The following NUMBL variants were observed in gnomAD, a reference collection of about 807,000 sequenced individuals.
The protein encoded by NUMBL is NUMB like endocytic adaptor protein, also known as numb-like protein.
A neutral mutation model predicts 48.9 loss-of-function variants in NUMBL; 20 were observed. The ratio of observed to expected loss-of-function variants is 0.41; its 90% CI spans 0.29 to 0.59. The LOEUF is 0.59. NUMBL is among the 20% of genes least tolerant of loss of function. NUMBL has a pLI of 0.31. For missense variants in NUMBL, 660 were observed against 846.2 expected, an observed-to-expected ratio of 0.78 and a Z score of 2.73; for synonymous variants, 340 against 348.7, an observed-to-expected ratio of 0.98 and a Z score of 0.28.
Position 40,667,972 on chromosome 19 carries a change from C to CTGTTGG in NUMBL, c.1325_1326insCCAACA (p.Gln441_Gln442insHisGln), listed in dbSNP as rs2081823054. On this transcript the variant is annotated inframe_insertion, in exon 10 of 10. Coordinates refer to ENST00000252891, the MANE Select transcript of NUMBL (RefSeq NM_004756.5). This position sits in a 1 kb window ranked among gnomAD's most constrained non-coding sequence, Gnocchi z 6.1. The stretch of plus-strand genomic sequence containing the variant: ...CCACTGAGGCTGCTTGCTGCTGTTG[C>CTGTTGG]TGCTGCTGCTGCTGCTGCTGTTGCT... 17 of 1,460,590 alleles carry CTGTTGG rather than the reference C, an allele frequency of 1.2e-5. No individual in the cohort carries two copies. The highest frequency in any genetic ancestry group is 2.7e-5 in the African/African-American group (1 of 37,546). 90.5% of individuals were successfully genotyped at this position (1,460,590 alleles called of 1,614,324 possible).
At chr19:40,683,099 G>T in intron 3 of NUMBL, 131 bp from the exon 4 acceptor site, 1 of 806,408 alleles carries the variant, frequency 1.2e-6, no homozygotes. Context: ...CATTTATTCT[G>T]CATCTCAACT....
At position 40,688,127 on chromosome 19, in the gene NUMBL, G is replaced by A. The variant is rs1330176755; in HGVS notation, c.25-1132C>T. On this transcript the variant is annotated intron_variant, in intron 1 of 9. Transcript: ENST00000252891. This position sits in a 1 kb window ranked among gnomAD's most constrained non-coding sequence, Gnocchi z 4.6. Reference sequence around the variant, plus strand: ...AGACACAGCCATGGTGGTCCTATAGGCATGGCCACAGCATCAATGTCCATG... The same window carrying A: ...AGACACAGCCATGGTGGTCCTATAGACATGGCCACAGCATCAATGTCCATG... Among the ~76,000 whole-genome samples the A allele has an allele frequency of 6.6e-6, 1 of 152,098 alleles. No individual in the cohort carries two copies. Among genetic ancestry groups the A allele is most frequent in the Non-Finnish European group, 1.5e-5 (1 of 68,026 alleles).
At chr19:40,679,159 G>T (rs899512564) in intron 6 of NUMBL, among the ~76,000 whole-genome samples, 1 of 152,084 alleles carries the variant, frequency 6.6e-6, no homozygotes, top group Non-Finnish European at 1.5e-5. Flanking sequence ...GGAGGCCAAG[G>T]TGACTGGATC....
At chr19:40,685,274 G>C (rs1350464441) in intron 2 of NUMBL, 2 of 153,642 alleles carry the variant, frequency 1.3e-5, no homozygotes, top group East Asian at 3.9e-4. Flanking sequence ...GACAGTCCCA[G>C]GACTGGGAGC....
rs1317321386 is a variant in NUMBL, at chr19:40,670,335, A to T, written c.1037-315T>A. 3.9e-5 allele frequency among the ~76,000 whole-genome samples: 6 copies of T among 152,330 alleles called. No homozygotes were observed. In the East Asian group the frequency reaches 1.2e-3, roughly 29 times the overall value. ...TAGCAACATATATTAGTTTAAAAATATGCCCAACCACGTGCATGGCAAGGA... is the reference window on the plus strand; with the variant it reads ...TAGCAACATATATTAGTTTAAAAATTTGCCCAACCACGTGCATGGCAAGGA... On this transcript the variant is annotated intron_variant, in intron 8 of 9. Transcript: ENST00000252891.
At chr19:40,679,364 C>T (rs912289589) in intron 6 of NUMBL, among the ~76,000 whole-genome samples, 4 of 151,912 alleles carry the variant, frequency 2.6e-5, no homozygotes, top group African/African-American at 7.3e-5. Context: ...CAGAGAGAGA[C>T]GCTGTGTCAT....
At chr19:40,684,970 G>A (rs45545932) in intron 2 of NUMBL, 33,498 of 192,322 alleles carry the variant, frequency 0.17, 3,219 homozygotes, top group African/African-American at 0.24. Flanking sequence ...GTCAGGGGCC[G>A]CACGGTCAGG....
chr19:40,677,790 A>C lies in NUMBL; in HGVS notation c.541-369T>G, dbSNP rs1284761600. ...TTGAGCCCAGGAGGTCAAGGCTGCA[A>C]GCAGCTATGATGGGGCAACTGCACT... On this transcript the variant is annotated intron_variant, in intron 6 of 9. Coordinates refer to ENST00000252891, the MANE Select transcript of NUMBL (RefSeq NM_004756.5). 3.9e-5 allele frequency among the ~76,000 whole-genome samples: 6 copies of C among 152,058 alleles called. No individual in the cohort carries two copies. In the East Asian group the frequency reaches 1.2e-3, roughly 29 times the overall value.
intron 6 of NUMBL, 25 bp from the exon 7 acceptor site, chr19:40,677,446 G>T: frequency 3.8e-6 from 6 of 1,596,954 alleles, no homozygotes; most frequent in Non-Finnish European, 5.1e-6. Flanking sequence ...TGGGCGGGGG[G>T]GTTAGAGGCG....
At chr19:40,680,885 G>A (rs752096067) in intron 6 of NUMBL, 32 bp downstream of exon 6, 18 of 1,613,282 alleles carry the variant, frequency 1.1e-5, no homozygotes, top group African/African-American at 1.3e-5. Context: ...GGGCATGGGA[G>A]GGAAGAGTTG....
rs2081856489 is a variant in NUMBL at position 40,673,119 on chromosome 19, T to A, written c.1036+225A>T. 6.6e-6 allele frequency among the ~76,000 whole-genome samples: 1 copy of A among 152,216 alleles called. No homozygotes were observed. Among genetic ancestry groups the A allele is most frequent in the African/African-American group, 2.4e-5 (1 of 41,464 alleles). On this transcript the variant is annotated intron_variant, in intron 8 of 9. Transcript: ENST00000252891. The surrounding 1 kb of genome is among the most constrained non-coding windows in gnomAD (Gnocchi z 5.9). ...CATAACTTGTGATGCCTTTCTACTA[T>A]CCCTTACTCAGAGCAGACACGGCTT...
Position 40,687,012 on chromosome 19 carries a change from G to GGAGAAGGT in NUMBL, c.25-25_25-18dup. 1 of 1,468,436 alleles carries GGAGAAGGT rather than the reference G, an allele frequency of 6.8e-7. No individual in the cohort carries two copies. The allele number at this position is 1,468,436 out of a possible 1,614,324, so 91.0% of individuals were successfully genotyped here. On this transcript the variant is annotated splice_polypyrimidine_tract_variant and intron_variant, in intron 1 of 9. Transcript: ENST00000252891. This position sits in a 1 kb window ranked among gnomAD's most constrained non-coding sequence, Gnocchi z 4.6. ...GGGTCCGCCCTGCCCGAGTAGGGGA[G>GGAGAAGGT]GAGAAGGTGAGAAGTTTGTCTGGGT... is the stretch of plus-strand genomic sequence containing the variant.
intron 9 of NUMBL, 25 bp from the exon 10 acceptor site, chr19:40,668,163 A>G (rs1390112550): frequency 2.6e-6 from 4 of 1,562,498 alleles, no homozygotes; most frequent in Non-Finnish European, 3.5e-6. Flanking sequence ...GGGACAGGTG[A>G]GGGAGGGGGC....
chr19:40,680,896 G>A (rs760005182), intron 6 of NUMBL, 21 bp downstream of exon 6: 1 of 1,613,876 alleles, frequency 6.2e-7, no homozygotes, highest in Admixed American at 1.7e-5. Flanking sequence ...GGAAGAGTTG[G>A]CCAGCTGTGG....
intron 9 of NUMBL, among the ~76,000 whole-genome samples, chr19:40,669,465 C>T (rs2081834523): frequency 6.6e-6 from 1 of 151,742 alleles, no homozygotes; most frequent in African/African-American, 2.4e-5. Flanking sequence ...TAGGTAATCC[C>T]ATGGCTCTAA....
chr19:40,688,287 C>T lies in NUMBL; in HGVS notation c.25-1292G>A, dbSNP rs2081944652. On this transcript the variant is annotated intron_variant, in intron 1 of 9. Transcript: ENST00000252891. This position sits in a 1 kb window ranked among gnomAD's most constrained non-coding sequence, Gnocchi z 4.6. ...CAAGTCACACAGACAAGTATGTGGC[C>T]ATATAGAATCACAGCCCCGTGTGGA... is the stretch of plus-strand genomic sequence containing the variant. 6.6e-6 allele frequency among the ~76,000 whole-genome samples: 1 copy of T among 152,168 alleles called. No homozygotes were observed.
At chr19:40,675,142 CAAAAAAAA>C (rs71334931) in intron 7 of NUMBL, among the ~76,000 whole-genome samples, 7 of 29,794 alleles carry the variant, frequency 2.3e-4, no homozygotes, top group African/African-American at 6.0e-4. Context: ...GACTCTGTCT[CAAAAAAAA>C]AAAAAAAAAA....
At chr19:40,677,163 T>A (rs1316444233) in intron 7 of NUMBL, 69 bp downstream of exon 7, 1 of 1,491,760 alleles carries the variant, frequency 6.7e-7, no homozygotes, top group Non-Finnish European at 9.1e-7. Context: ...CCTCTGCAGC[T>A]CCCTGCCCCC....
In NUMBL at chr19:40,667,302, C is replaced by A. The variant is rs377058004; in HGVS notation, c.*166G>T. The A allele has an allele frequency of 1.0e-6, 1 of 972,334 alleles. No homozygotes were observed. Among genetic ancestry groups the A allele is most frequent in the Non-Finnish European group, 1.5e-6 (1 of 677,384 alleles). The allele number at this position is 972,334 out of a possible 1,614,324, so 60.2% of individuals were successfully genotyped here. ...GAATTCCATCCTGTTGCAACCTGGG[C>A]GTCACAATGTTGGTTCTGTAGTGGT... is the stretch of plus-strand genomic sequence containing the variant. On this transcript the variant is annotated 3_prime_UTR_variant, in exon 10 of 10. Transcript: ENST00000252891. This position sits in a 1 kb window ranked among gnomAD's most constrained non-coding sequence, Gnocchi z 6.1.
Sources: allele counts gnomAD v4.1 joint callset (sites outside exome capture counted in the v4.1 genomes callset), GRCh38; gene constraint gnomAD v4.1.1; non-coding constraint Gnocchi (gnomAD v3.1); transcripts MANE v1.5; gene names NCBI Gene and HGNC (gene_info 2026-07-23, HGNC 2026-07-21).